Variants in PRKN observed in about 807,000 individuals in gnomAD.
PRKN encodes the protein E3 ubiquitin-protein ligase parkin.
Under a neutral mutation model 59.5 loss-of-function variants are expected in PRKN, and 56 were observed. That is an observed-to-expected ratio of 0.94 (90% CI 0.76 to 1.18). The LOEUF (loss-of-function observed/expected upper bound fraction) is 1.18. PRKN is among the 50% of genes most tolerant of loss of function. PRKN has a pLI of 0.00. For synonymous variants in PRKN, 250 were observed against 222.1 expected, an observed-to-expected ratio of 1.13 and a Z score of -1.12; for missense variants, 657 against 596.4, an observed-to-expected ratio of 1.10 and a Z score of -1.06.
chr6:161,701,949 CA>C (rs1257446796), intron 7 of PRKN, among the ~76,000 whole-genome samples: 2 of 152,164 alleles, frequency 1.3e-5, no homozygotes, highest in African/African-American at 4.8e-5. Flanking sequence ...AAGCCGCATA[CA>C]CTTAGGGCCA....
chr6:161,416,784 G>A (rs1317687682), intron 9 of PRKN, among the ~76,000 whole-genome samples: 1 of 152,148 alleles, frequency 6.6e-6, no homozygotes, highest in Admixed American at 6.5e-5. Flanking sequence ...TGTATCAACC[G>A]TGCTACGGAG....
intron 1 of PRKN, among the ~76,000 whole-genome samples, chr6:162,615,540 T>G (rs1346310169): frequency 6.6e-6 from 1 of 152,112 alleles, no homozygotes; most frequent in African/African-American, 2.4e-5. Flanking sequence ...AGGTCTCTGA[T>G]GCAATGCACA....
chr6:162,225,655 A>G (rs553121579), intron 3 of PRKN, among the ~76,000 whole-genome samples: 2 of 152,150 alleles, frequency 1.3e-5, no homozygotes, highest in South Asian at 4.1e-4. Context: ...CATGGAGCCA[A>G]CTCCAATGCT....
chr6:162,518,278 TACAC>T (rs1188371040), intron 1 of PRKN, among the ~76,000 whole-genome samples: 1 of 152,188 alleles, frequency 6.6e-6, no homozygotes, highest in Non-Finnish European at 1.5e-5. Context: ...TAGTTCTATA[TACAC>T]ACACAGACAT....
intron 2 of PRKN, among the ~76,000 whole-genome samples, chr6:162,385,225 T>C (rs960783549): frequency 3.3e-5 from 5 of 152,168 alleles, no homozygotes; most frequent in Non-Finnish European, 5.9e-5. Flanking sequence ...TAACCACCAA[T>C]GGTAGCAGGT....
At chr6:161,381,336 G>A (rs1030007380) in intron 10 of PRKN, among the ~76,000 whole-genome samples, 1 of 152,142 alleles carries the variant, frequency 6.6e-6, no homozygotes, top group Non-Finnish European at 1.5e-5. Flanking sequence ...AAAGACCTGG[G>A]TAAAATAATG....
intron 1 of PRKN, among the ~76,000 whole-genome samples, chr6:162,700,681 C>A (rs1386295427): frequency 2.0e-5 from 3 of 151,912 alleles, no homozygotes; most frequent in Non-Finnish European, 4.4e-5. Context: ...TTTTGAATGC[C>A]AAATCTGATA....
At chr6:161,943,565 A>G (rs559818893) in intron 6 of PRKN, among the ~76,000 whole-genome samples, 68 of 152,394 alleles carry the variant, frequency 4.5e-4, no homozygotes, top group African/African-American at 1.6e-3. Context: ...AAATCCTGAA[A>G]TAAAGTCAAA....
intron 4 of PRKN, among the ~76,000 whole-genome samples, chr6:162,141,612 T>C (rs1348100296): frequency 6.6e-6 from 1 of 152,176 alleles, no homozygotes; most frequent in Non-Finnish European, 1.5e-5. Context: ...TTGGAGGCAA[T>C]ACATGCAAAT....
intron 5 of PRKN, among the ~76,000 whole-genome samples, chr6:162,034,830 G>A (rs1043709593): frequency 1.3e-5 from 2 of 152,064 alleles, no homozygotes; most frequent in East Asian, 1.9e-4. Flanking sequence ...CTTTTATCAC[G>A]GAATTATGAT....
At chr6:161,753,407 A>AG (rs1000625276) in intron 7 of PRKN, among the ~76,000 whole-genome samples, 1 of 152,112 alleles carries the variant, frequency 6.6e-6, no homozygotes, top group Non-Finnish European at 1.5e-5. Context: ...AGTGGGATGG[A>AG]GGGGAAAAAA....
chr6:162,355,888 A>G (rs1784837973), intron 2 of PRKN, among the ~76,000 whole-genome samples: 4 of 152,168 alleles, frequency 2.6e-5, no homozygotes, highest in Admixed American at 2.0e-4. Context: ...GATCTATTTG[A>G]CAAAAACTCA....
intron 6 of PRKN, among the ~76,000 whole-genome samples, chr6:161,821,033 A>T (rs1792001489): frequency 6.6e-6 from 1 of 152,112 alleles, no homozygotes; most frequent in Admixed American, 6.5e-5. Context: ...TATGCATCTA[A>T]AAAATGGACA....
In PRKN at chr6:162,657,248, CTAAT is replaced by C. The variant is rs367810958; in HGVS notation, c.7+70410_7+70413del. On this transcript the variant is annotated intron_variant, in intron 1 of 11. Transcript: ENST00000366898. The stretch of plus-strand genomic sequence containing the variant: ...GCCAGTGTTACAGAAGAGTTGGCTC[CTAAT>C]TAAACAGACATATTTTGTATATTAT... Among the ~76,000 whole-genome samples, 1,231 of 152,154 alleles carry C rather than the reference CTAAT, an allele frequency of 8.1e-3. 13 individuals are homozygous for C. Among genetic ancestry groups the C allele is most frequent in the Middle Eastern group, 0.021 (6 of 292 alleles).
chr6:162,200,455 G>C (rs1204522777), intron 4 of PRKN, among the ~76,000 whole-genome samples: 1 of 152,174 alleles, frequency 6.6e-6, no homozygotes, highest in Non-Finnish European at 1.5e-5. Flanking sequence ...AATGGGTGGG[G>C]CTGGCTCTCC....
chr6:162,429,318 T>G (rs887957330), intron 2 of PRKN, among the ~76,000 whole-genome samples: 1 of 152,148 alleles, frequency 6.6e-6, no homozygotes, highest in African/African-American at 2.4e-5. Flanking sequence ...TTCTTGCACA[T>G]GGAATGCAGG....
intron 9 of PRKN, among the ~76,000 whole-genome samples, chr6:161,494,981 T>C (rs1777692104): frequency 6.6e-6 from 1 of 152,182 alleles, no homozygotes; most frequent in Non-Finnish European, 1.5e-5. Context: ...TGCTATACAT[T>C]GGAAATAAAA....
At chr6:161,933,274 G>A (rs928601400) in intron 6 of PRKN, among the ~76,000 whole-genome samples, 4 of 151,886 alleles carry the variant, frequency 2.6e-5, no homozygotes, top group African/African-American at 4.8e-5. Flanking sequence ...GCGAGACTCC[G>A]TTTCAAAACA....
At chr6:162,127,889 C>T (rs76993314) in intron 4 of PRKN, among the ~76,000 whole-genome samples, 2,353 of 152,188 alleles carry the variant, frequency 0.015, 58 homozygotes, top group African/African-American at 0.054. Context: ...CCTTCACTTG[C>T]GGGACTCCAG....
Sources: gnomAD v4.1 joint callset for allele counts (sites outside exome capture counted in the v4.1 genomes callset) on GRCh38, gnomAD v4.1.1 for gene constraint, MANE v1.5 for transcripts, NCBI Gene and HGNC (gene_info 2026-07-23, HGNC 2026-07-21) for gene names.